Variants in GRAMD1A observed in about 807,000 individuals in gnomAD.
The protein encoded by GRAMD1A is GRAM domain containing 1A.
GRAMD1A carries 50 observed loss-of-function variants against 92.0 expected under a neutral mutation model. The ratio of observed to expected loss-of-function variants is 0.54; its 90% CI spans 0.43 to 0.69. The LOEUF (loss-of-function observed/expected upper bound fraction) is 0.69, where lower values mean the gene tolerates loss of function less well. Ranked by LOEUF, GRAMD1A falls within the 30% of genes least tolerant of loss-of-function variation. The probability of loss-of-function intolerance (pLI) is 0.00; values close to 1 mark genes in which losing one functional copy is unlikely to be tolerated. For missense variants in GRAMD1A, 819 were observed against 978.9 expected (o/e 0.84, Z 2.18); for synonymous variants, 405 against 403.6 (o/e 1.00, Z -0.04).
In GRAMD1A at chr19:35,022,886, T is replaced by G; in HGVS notation, c.1842-14T>G. On this transcript the variant is annotated splice_polypyrimidine_tract_variant and intron_variant, in intron 16 of 19. Transcript: ENST00000317991. ...CGCTCATCTCTCTGTCTCCCCTCACTGCTGCTGCTGCAGGATCTGTGTGAG... is the reference window on the plus strand; with the variant it reads ...CGCTCATCTCTCTGTCTCCCCTCACGGCTGCTGCTGCAGGATCTGTGTGAG... The G allele has an allele frequency of 6.3e-7, 1 of 1,594,394 alleles. No homozygotes were observed. Among genetic ancestry groups the G allele is most frequent in the Non-Finnish European group, 8.6e-7 (1 of 1,168,124 alleles).
At chr19:35,010,508 C>T (rs1278249765) in intron 6 of GRAMD1A, 129 bp downstream of exon 6, 6 of 674,918 alleles carry the variant, frequency 8.9e-6, no homozygotes, top group African/African-American at 1.8e-5. Flanking sequence ...TCTGTTCTCC[C>T]GGCCCAGGCG....
intron 7 of GRAMD1A, among the ~76,000 whole-genome samples, chr19:35,012,826 T>A (rs1452424414): frequency 6.6e-6 from 1 of 152,044 alleles, no homozygotes; most frequent in Non-Finnish European, 1.5e-5. Flanking sequence ...ATTGCAAAAA[T>A]TAGCTGGGCG....
At chr19:35,014,450 A>C in intron 10 of GRAMD1A, 63 bp downstream of exon 10, 3 of 1,421,254 alleles carry the variant, frequency 2.1e-6, no homozygotes, top group Non-Finnish European at 3.0e-6. Flanking sequence ...AGTCTTAAGC[A>C]AGAGGGGATG....
At chr19:35,014,681 G>A in intron 10 of GRAMD1A, 1 of 476,294 alleles carries the variant, frequency 2.1e-6, no homozygotes, top group Non-Finnish European at 3.9e-6. Context: ...TTCCTCCTCT[G>A]AAAATGGGGT....
At chr19:34,997,749 C>T (rs2014100900), upstream of GRAMD1A, among the ~76,000 whole-genome samples, 2 of 152,004 alleles carry the variant, frequency 1.3e-5, no homozygotes, top group African/African-American at 4.8e-5. Context: ...TGGTGGATGC[C>T]TCCTGATGTA....
intron 10 of GRAMD1A, chr19:35,014,639 T>C (rs1444095907): frequency 1.8e-6 from 1 of 555,368 alleles, no homozygotes; most frequent in Non-Finnish European, 3.2e-6. Flanking sequence ...CCATGTCACG[T>C]GGGCAAATTA....
chr19:35,022,996 G>T, intron 17 of GRAMD1A, 85 bp downstream of exon 17: 9 of 843,382 alleles, frequency 1.1e-5, no homozygotes, highest in Non-Finnish European at 1.5e-5. Context: ...ATGCCCCCCA[G>T]CTCCCCCAGG....
At chr19:35,011,856 A>G (rs932091142) in intron 7 of GRAMD1A, among the ~76,000 whole-genome samples, 2 of 152,122 alleles carry the variant, frequency 1.3e-5, no homozygotes, top group Non-Finnish European at 2.9e-5. Flanking sequence ...AGGTCATCAC[A>G]GGATGCCGGC....
chr19:34,997,321 A>C (rs1475898332), upstream of GRAMD1A, among the ~76,000 whole-genome samples: 1 of 144,706 alleles, frequency 6.9e-6, no homozygotes, highest in African/African-American at 2.6e-5. Context: ...CATTATGTGT[A>C]TTTCTAAGTG....
At chr19:35,000,248 C>A (rs1281278885), upstream of GRAMD1A, 59 of 1,024,998 alleles carry the variant, frequency 5.8e-5, no homozygotes, top group Non-Finnish European at 6.6e-5. The surrounding 1 kb of genome is among the most constrained non-coding windows in gnomAD (Gnocchi z 4.9). Flanking sequence ...GGGCTGGGGG[C>A]GGCGCCGTGA....
At position 35,009,328 on chromosome 19, in the gene GRAMD1A, A is replaced by G; in HGVS notation, c.218A>G (p.Lys73Arg). 6.2e-7 allele frequency: 1 copy of G among 1,613,890 alleles called. No individual in the cohort carries two copies. Among genetic ancestry groups the G allele is most frequent in the South Asian group, 1.1e-5 (1 of 91,078 alleles). The change falls in exon 2 of 20, where the codon AAG becomes AGG. Residue 73 changes from lysine to arginine, a missense_variant and splice_region_variant. Physicochemically the swap from Lys to Arg is conservative, Grantham distance 26. Transcript: ENST00000317991. ...LGSRNFIRNS[K>R]KMQSWYSMLS... ...AGCCGGAACTTCATCCGCAACAGCA[A>G]GGTTGGTGCAAGCCCAGGTGGGGTG...
Position 35,021,212 on chromosome 19 carries a change from G to T in GRAMD1A, c.1476-290G>T, listed in dbSNP as rs369178364. Among the ~76,000 whole-genome samples, 19 of 152,336 alleles carry T rather than the reference G, an allele frequency of 1.2e-4. No individual in the cohort carries two copies. Among genetic ancestry groups the T allele is most frequent in the African/African-American group, 4.1e-4 (17 of 41,576 alleles). ...GGAAGAGGTTCAGGGGCATGGTCTG[G>T]TTAAGACGTCAGTCTGTGAGTAGAC... On this transcript the variant is annotated intron_variant, in intron 13 of 19. Coordinates refer to ENST00000317991, the MANE Select transcript of GRAMD1A (RefSeq NM_020895.5). The surrounding 1 kb of genome is among the most constrained non-coding windows in gnomAD (Gnocchi z 5.3).
Position 35,025,837 on chromosome 19 carries a change from G to C in GRAMD1A, c.2083-212G>C, listed in dbSNP as rs546082204. 3.9e-5 allele frequency among the ~76,000 whole-genome samples: 6 copies of C among 152,232 alleles called. No individual in the cohort carries two copies. In the South Asian group the frequency reaches 6.2e-4, roughly 16 times the overall value. On this transcript the variant is annotated intron_variant, in intron 19 of 19. Transcript: ENST00000317991. ...CCAGGATTTGAACCTAGGCCATCGG[G>C]GTCACAGGCACACACTAAGCCCCTT...
chr19:35,016,720 G>C (rs1465568823), intron 11 of GRAMD1A, among the ~76,000 whole-genome samples: 3 of 151,680 alleles, frequency 2.0e-5, no homozygotes, highest in African/African-American at 7.3e-5. Flanking sequence ...GGCCAACATG[G>C]TGAAACCCCA....
chr19:35,005,473 G>A (rs189524803), intron 1 of GRAMD1A, among the ~76,000 whole-genome samples: 112 of 152,074 alleles, frequency 7.4e-4, no homozygotes, highest in Admixed American at 2.2e-3. Flanking sequence ...AGGGAGTGCA[G>A]GGCTGATGAG....
In GRAMD1A at chr19:35,021,634, G is replaced by A; in HGVS notation, c.1579+29G>A. On this transcript the variant is annotated intron_variant, in intron 14 of 19. Coordinates refer to ENST00000317991, the MANE Select transcript of GRAMD1A (RefSeq NM_020895.5). The surrounding 1 kb of genome is among the most constrained non-coding windows in gnomAD (Gnocchi z 5.3). ...GGGACAGAAGGCCGGCTGGGGCGTG[G>A]GTTGGGGGATGGCCTGGCCAGGTAT... The A allele has an allele frequency of 6.2e-7, 1 of 1,613,466 alleles. No individual in the cohort carries two copies. Among genetic ancestry groups the A allele is most frequent in the Non-Finnish European group, 8.5e-7 (1 of 1,179,384 alleles).
At position 35,000,541 on chromosome 19, in the gene GRAMD1A, A is replaced by C; in HGVS notation, c.8+55A>C. On this transcript the variant is annotated intron_variant, in intron 1 of 19. Coordinates refer to ENST00000317991, the MANE Select transcript of GRAMD1A (RefSeq NM_020895.5). This position sits in a 1 kb window ranked among gnomAD's most constrained non-coding sequence, Gnocchi z 4.9. ...CCGGGCGCGCGGGGGAGGCCACCGG[A>C]GGGAGGGGGCGCCGCGGGCTTGGGG... is the stretch of plus-strand genomic sequence containing the variant. 1.8e-6 allele frequency: 2 copies of C among 1,105,144 alleles called. No homozygotes were observed. Among genetic ancestry groups the C allele is most frequent in the East Asian group, 5.1e-5 (1 of 19,676 alleles). 68.5% of individuals were successfully genotyped at this position (1,105,144 alleles called of 1,614,324 possible).
upstream of GRAMD1A, among the ~76,000 whole-genome samples, chr19:34,995,797 G>A (rs1600257396): frequency 6.6e-6 from 1 of 151,966 alleles, no homozygotes; most frequent in African/African-American, 2.4e-5. Flanking sequence ...TGCCCAGACT[G>A]GTCTCAAACT....
chr19:35,007,822 G>A (rs1014300513), intron 1 of GRAMD1A, among the ~76,000 whole-genome samples: 3 of 152,106 alleles, frequency 2.0e-5, no homozygotes, highest in Non-Finnish European at 2.9e-5. Context: ...GCAGTGAGCC[G>A]TGATTGTGCC....
Sources: allele counts gnomAD v4.1 joint callset (sites outside exome capture counted in the v4.1 genomes callset), GRCh38; gene constraint gnomAD v4.1.1; non-coding constraint Gnocchi (gnomAD v3.1); transcripts MANE v1.5; gene names NCBI Gene and HGNC (gene_info 2026-07-23, HGNC 2026-07-21).